Variants in GRIN1 observed in about 807,000 individuals in gnomAD.
GRIN1 encodes glutamate receptor ionotropic, NMDA 1.
A neutral mutation model predicts 103.0 loss-of-function variants in GRIN1; 38 were observed. The ratio of observed to expected loss-of-function variants is 0.37; its 90% CI spans 0.28 to 0.48. GRIN1 has a LOEUF of 0.48. Ranked by LOEUF, GRIN1 falls within the 20% of genes least tolerant of loss-of-function variation. The pLI is 0.98. For missense variants in GRIN1, 577 were observed against 1,288.9 expected (o/e 0.45, Z 8.46); for synonymous variants, 544 against 532.7 (o/e 1.02, Z -0.29).
At chr9:137,150,889 G>GC (rs1832829693) in intron 4 of GRIN1, among the ~76,000 whole-genome samples, 1 of 100,252 alleles carries the variant, frequency 1.0e-5, no homozygotes, top group African/African-American at 4.0e-5. Flanking sequence ...CCATAAAAAA[G>GC]CCCCGCCCAG....
Position 137,156,857 on chromosome 9 carries a change from G to C in GRIN1, c.794-6G>C, listed in dbSNP as rs767199202. 4 of 1,610,392 alleles carry C rather than the reference G, an allele frequency of 2.5e-6. No homozygotes were observed. The highest frequency in any genetic ancestry group is 3.3e-4 in the Middle Eastern group (2 of 6,076). On this transcript the variant is annotated splice_region_variant and splice_polypyrimidine_tract_variant and intron_variant, in intron 5 of 19. Transcript: ENST00000371561. ...CCCACGGGCTCTGAGTCGCATGCTC[G>C]CCTAGGCATCCTCGGGCTGCAGCTC...
chr9:137,163,435 G>A (rs1833674012), intron 16 of GRIN1, 105 bp downstream of exon 16: 3 of 1,479,932 alleles, frequency 2.0e-6, no homozygotes, highest in Non-Finnish European at 2.8e-6. Flanking sequence ...TTCCCACCCA[G>A]GCCGGGCGCT....
intron 4 of GRIN1, among the ~76,000 whole-genome samples, 181 bp from the exon 5 acceptor site, chr9:137,156,488 A>G (rs1833225604): frequency 6.6e-6 from 1 of 152,162 alleles, no homozygotes; most frequent in African/African-American, 2.4e-5. Context: ...AGAGCCAGCA[A>G]CGGAGGCCTG....
At chr9:137,163,486 G>T (rs1332271064) in intron 16 of GRIN1, 73 bp from the exon 17 acceptor site, 4 of 609,866 alleles carry the variant, frequency 6.6e-6, no homozygotes, top group Non-Finnish European at 5.8e-6. Context: ...GCCCCGCCCC[G>T]GCCCCGCCCC....
At chr9:137,150,144 C>A (rs1456067944) in intron 4 of GRIN1, among the ~76,000 whole-genome samples, 2 of 152,176 alleles carry the variant, frequency 1.3e-5, no homozygotes, top group African/African-American at 2.4e-5. Flanking sequence ...CCCCATTACG[C>A]CCCCTGCACT....
At chr9:137,158,257 AGGAGAAGGAGCAG>A (rs1382128546) in intron 6 of GRIN1, 109 bp from the exon 7 acceptor site, 85 of 1,103,300 alleles carry the variant, frequency 7.7e-5, no homozygotes, top group Middle Eastern at 2.7e-4. Context: ...CTCAGCCGGC[AGGAGAAGGAGCAG>A]GGAGAAGGAG....
intron 1 of GRIN1, among the ~76,000 whole-genome samples, chr9:137,141,144 G>T (rs900393707): frequency 6.6e-6 from 1 of 152,198 alleles, no homozygotes; most frequent in Non-Finnish European, 1.5e-5. Context: ...TACCACTCAC[G>T]GAACACACCC....
chr9:137,152,639 C>T (rs28681971), intron 4 of GRIN1, among the ~76,000 whole-genome samples: 95,967 of 151,924 alleles, frequency 0.63, 30,607 homozygotes, highest in East Asian at 0.93. Context: ...CACAGGTTGA[C>T]CCCGCGTTGC....
At chr9:137,154,877 C>A (rs1046609976) in intron 4 of GRIN1, among the ~76,000 whole-genome samples, 3 of 152,170 alleles carry the variant, frequency 2.0e-5, no homozygotes, top group African/African-American at 7.2e-5. Flanking sequence ...ACCCAGCATG[C>A]CCATCTCCCA....
intron 2 of GRIN1, among the ~76,000 whole-genome samples, chr9:137,143,470 C>T (rs1462077376): frequency 3.9e-5 from 6 of 152,268 alleles, no homozygotes; most frequent in Non-Finnish European, 8.8e-5. Flanking sequence ...CCAGTTTCCT[C>T]ACATGTGAAG....
rs1275782970 is a variant in GRIN1 at position 137,167,967 on chromosome 9, T to TCCGC, written c.*447_*450dup. The stretch of plus-strand genomic sequence containing the variant: ...CTGCCCACCCTGGGCCTCCCGTCCG[T>TCCGC]CCGCCCGCCCACCCCGCTGCCTGGC... On this transcript the variant is annotated 3_prime_UTR_variant, in exon 20 of 20. Transcript: ENST00000371561. The TCCGC allele has an allele frequency of 1.5e-5, 13 of 846,452 alleles. No individual in the cohort carries two copies. The East Asian group carries it at 3.2e-4, about 21-fold the overall frequency. The allele number at this position is 846,452 out of a possible 1,614,324, so 52.4% of individuals were successfully genotyped here. A position where few individuals can be genotyped will look rare whatever the true frequency, so the allele number is the denominator to read the frequency against.
In GRIN1 at chr9:137,139,632, C is replaced by G. The variant is rs756747799; in HGVS notation, c.146C>G (p.Ala49Gly). ...EQMFREAVNQ[A>G]NKRHGSWKIQ... ...ATGTTCCGCGAGGCCGTGAACCAGGCCAACAAGCGGCACGGCTCCTGGAAG... is the reference window on the plus strand; with the variant it reads ...ATGTTCCGCGAGGCCGTGAACCAGGGCAACAAGCGGCACGGCTCCTGGAAG... The change falls in exon 1 of 20, where the codon GCC (alanine) becomes GGC (glycine). Residue 49 changes from alanine to glycine, a missense_variant. Around this residue, in one of 9 missense-constraint regions of GRIN1, gnomAD observed 308 missense variants for 553.6 expected, o/e 0.56. Transcript: ENST00000371561. The surrounding 1 kb of genome is among the most constrained non-coding windows in gnomAD (Gnocchi z 7.7). The G allele has an allele frequency of 1.2e-6, 2 of 1,613,842 alleles. No individual in the cohort carries two copies. The highest frequency in any genetic ancestry group is 1.1e-5 in the South Asian group (1 of 91,076).
At position 137,162,007 on chromosome 9, in the gene GRIN1, A is replaced by G; in HGVS notation, c.1551A>G (p.Leu517=). 1 of 1,557,058 alleles carries G rather than the reference A, an allele frequency of 6.4e-7. No individual in the cohort carries two copies. Among genetic ancestry groups the G allele is most frequent in the Non-Finnish European group, 8.7e-7 (1 of 1,150,382 alleles). Residue 517 remains leucine, a synonymous_variant, in exon 11 of 20, where the codon CTA becomes CTG. Transcript: ENST00000371561. ...SGQADMIVAP[L]TINNERAQYI... ...AGGCAGACATGATCGTGGCGCCGCT[A>G]ACCATAAACAACGAGCGCGCGCAGT...
chr9:137,151,976 G>C (rs996733116), intron 4 of GRIN1, among the ~76,000 whole-genome samples: 1 of 128,546 alleles, frequency 7.8e-6, no homozygotes, highest in Non-Finnish European at 1.6e-5. Context: ...GCTCGATCTC[G>C]GCTCATTGCA....
rs537004900 is a variant in GRIN1 at position 137,145,419 on chromosome 9, G to A, written c.394-307G>A. On this transcript the variant is annotated intron_variant, in intron 2 of 19. Coordinates refer to ENST00000371561, the MANE Select transcript of GRIN1 (RefSeq NM_007327.4). ...TCCCAGGGTCTAGAAAGTGTCCCCAGGGTGGCAGGGATGGGATGGGAGACA... is the reference window on the plus strand; with the variant it reads ...TCCCAGGGTCTAGAAAGTGTCCCCAAGGTGGCAGGGATGGGATGGGAGACA... Among the ~76,000 whole-genome samples the A allele has an allele frequency of 2.7e-3, 356 of 129,888 alleles. 4 individuals carry two copies. The highest frequency in any genetic ancestry group is 8.4e-3 in the Middle Eastern group (2 of 238). 85.2% of individuals were successfully genotyped at this position (129,888 alleles called of 152,430 possible).
In GRIN1 at chr9:137,139,420, C is replaced by T; in HGVS notation, c.-67C>T. The T allele has an allele frequency of 1.6e-6, 2 of 1,246,674 alleles. No individual in the cohort carries two copies. Among genetic ancestry groups the T allele is most frequent in the Non-Finnish European group, 2.1e-6 (2 of 966,440 alleles). The allele number at this position is 1,246,674 out of a possible 1,614,324, so 77.2% of individuals were successfully genotyped here. A position where few individuals can be genotyped will look rare whatever the true frequency, so the allele number is the denominator to read the frequency against. On this transcript the variant is annotated 5_prime_UTR_variant, in exon 1 of 20. Transcript: ENST00000371561. This position sits in a 1 kb window ranked among gnomAD's most constrained non-coding sequence, Gnocchi z 7.7. ...GGGCGAGCGCAGGACGGCCCGGAAG[C>T]CCCGCGGGGGATGCGCCGAGGGCCC...
intron 19 of GRIN1, among the ~76,000 whole-genome samples, chr9:137,165,825 G>GA (rs2131309876): frequency 6.6e-6 from 1 of 152,344 alleles, no homozygotes; most frequent in East Asian, 1.9e-4. Context: ...CCGCCCCCCA[G>GA]ACACCTGTCT....
At position 137,168,121 on chromosome 9, in the gene GRIN1, G is replaced by T; in HGVS notation, c.*594G>T. 3.7e-6 allele frequency: 2 copies of T among 544,122 alleles called. No homozygotes were observed. Among genetic ancestry groups the T allele is most frequent in the South Asian group, 2.2e-5 (1 of 46,230 alleles). The allele number at this position is 544,122 out of a possible 1,614,324, so 33.7% of individuals were successfully genotyped here. ...CTGGGGTCTCTGAGCAGTGGGGAGC[G>T]GGGGCTAACTGGCCCCAGGCGGAGG... On this transcript the variant is annotated 3_prime_UTR_variant, in exon 20 of 20. Coordinates refer to ENST00000371561, the MANE Select transcript of GRIN1 (RefSeq NM_007327.4).
chr9:137,162,556 T>C (rs1440643090), intron 13 of GRIN1, 35 bp from the exon 14 acceptor site: 1 of 1,611,016 alleles, frequency 6.2e-7, no homozygotes, highest in Non-Finnish European at 8.5e-7. Context: ...GCCTCGGCCC[T>C]CTAGGGTCTG....
Sources: gnomAD v4.1 joint callset for allele counts (sites outside exome capture counted in the v4.1 genomes callset) on GRCh38, gnomAD v4.1.1 for gene constraint, gnomAD v4.1.1 regional missense constraint, Gnocchi (gnomAD v3.1) non-coding constraint, MANE v1.5 for transcripts, NCBI Gene and HGNC (gene_info 2026-07-23, HGNC 2026-07-21) for gene names.